Variants in DNAJB1 observed in about 807,000 individuals in gnomAD.
DNAJB1 encodes dnaJ homolog subfamily B member 1.
In DNAJB1, 14 loss-of-function variants were observed where a neutral mutation model predicts 24.0. That is an observed-to-expected ratio of 0.58 (90% confidence interval 0.39 to 0.91). The LOEUF (loss-of-function observed/expected upper bound fraction) is 0.91, where lower values mean the gene tolerates loss of function less well. DNAJB1 is among the 40% of genes least tolerant of loss of function. DNAJB1 has a pLI of 0.00. For synonymous variants in DNAJB1, 262 were observed against 174.4 expected (o/e 1.50, Z -3.96); for missense variants, 517 against 458.1 (o/e 1.13, Z -1.17).
chr19:14,526,657 A>G (rs1653703187), intron 2 of DNAJB1, among the ~76,000 whole-genome samples: 1 of 152,282 alleles, frequency 6.6e-6, no homozygotes, highest in African/African-American at 2.4e-5. Context: ...TCAAAAGGGA[A>G]TTTCCAAAAC....
upstream of DNAJB1, among the ~76,000 whole-genome samples, chr19:14,552,874 G>A (rs2073583880): frequency 6.6e-6 from 1 of 151,986 alleles, no homozygotes; most frequent in African/African-American, 2.4e-5. Context: ...GGCCTGGGTG[G>A]CAGTCTCAGC....
At chr19:14,519,802 G>C (rs941920681), upstream of DNAJB1, among the ~76,000 whole-genome samples, 1 of 152,148 alleles carries the variant, frequency 6.6e-6, no homozygotes, top group Non-Finnish European at 1.5e-5. Flanking sequence ...CACCTTTCAA[G>C]GCCTCTGTTT....
chr19:14,546,240 C>G (rs8107751), intron 1 of DNAJB1, among the ~76,000 whole-genome samples: 3 of 151,786 alleles, frequency 2.0e-5, no homozygotes, highest in Admixed American at 2.0e-4. Flanking sequence ...AGTTTTTGGG[C>G]ATCTAACTCA....
rs536346077 is a variant in DNAJB1 at position 14,525,505 on chromosome 19, C to CA, written c.-90+2220dup. On this transcript the variant is annotated intron_variant, in intron 2 of 3. Transcript: ENST00000396969. Reference sequence around the variant, plus strand: ...TATAAAAAGGAATGAGCTACGGATACAAAAAAACAACATTACAGATGAACC... The same window carrying CA: ...TATAAAAAGGAATGAGCTACGGATACAAAAAAAACAACATTACAGATGAACC... 9.5e-3 allele frequency among the ~76,000 whole-genome samples: 1,448 copies of CA among 151,932 alleles called. 43 individuals carry two copies. Among genetic ancestry groups the CA allele is most frequent in the Admixed American group, 0.068 (1,032 of 15,238 alleles).
upstream of DNAJB1, among the ~76,000 whole-genome samples, chr19:14,518,598 C>T (rs1302790536): frequency 2.0e-5 from 3 of 152,096 alleles, no homozygotes; most frequent in African/African-American, 7.2e-5. Context: ...CCGCTCCGCC[C>T]TCGGCAACAC....
At chr19:14,519,121 A>G (rs1249935150), upstream of DNAJB1, among the ~76,000 whole-genome samples, 1 of 152,176 alleles carries the variant, frequency 6.6e-6, no homozygotes, top group Non-Finnish European at 1.5e-5. Context: ...TAATCCCAGC[A>G]TTTTGGGAGG....
chr19:14,544,235 C>T (rs1158931701), intron 1 of DNAJB1, among the ~76,000 whole-genome samples: 4 of 151,866 alleles, frequency 2.6e-5, no homozygotes, highest in Non-Finnish European at 5.9e-5. Context: ...CACCTTGTCA[C>T]CTCATGTTTG....
At chr19:14,535,484 GC>G (rs2072830410) in intron 1 of DNAJB1, among the ~76,000 whole-genome samples, 3 of 111,378 alleles carry the variant, frequency 2.7e-5, no homozygotes, top group African/African-American at 1.1e-4. Flanking sequence ...TCCAGCCTGG[GC>G]GACAGAGCGA....
upstream of DNAJB1, among the ~76,000 whole-genome samples, chr19:14,554,548 G>A (rs940718297): frequency 6.6e-6 from 1 of 152,196 alleles, no homozygotes; most frequent in African/African-American, 2.4e-5. Context: ...TTGTGAAGCT[G>A]GGGAAGCCGA....
At chr19:14,541,353 C>G (rs1170604799) in intron 1 of DNAJB1, among the ~76,000 whole-genome samples, 1 of 152,206 alleles carries the variant, frequency 6.6e-6, no homozygotes, top group Non-Finnish European at 1.5e-5. Flanking sequence ...TCCCCATCAT[C>G]TCAACCCTCC....
intron 1 of DNAJB1, among the ~76,000 whole-genome samples, chr19:14,558,439 C>T (rs1351168021): frequency 6.6e-6 from 1 of 152,178 alleles, no homozygotes; most frequent in Non-Finnish European, 1.5e-5. Flanking sequence ...CACGCCGCAC[C>T]GTGTGTCCTG....
chr19:14,529,625 T>C (rs915028069), upstream of DNAJB1: 3 of 1,611,160 alleles, frequency 1.9e-6, no homozygotes, highest in Admixed American at 3.3e-5. Flanking sequence ...GCGAGCGCTG[T>C]AGGGAGCCTG....
rs370751165 is a variant in DNAJB1 at position 14,526,145 on chromosome 19, CT to C, written c.-90+1580del. 9.6e-4 allele frequency among the ~76,000 whole-genome samples: 146 copies of C among 152,334 alleles called. 4 individuals carry two copies. The South Asian group carries it at 0.029, about 30-fold the overall frequency. ...AACCTGAGGTCCAGAAAAGCTCATC[CT>C]TGGAAGCTGCCGCAGCTTAGGCCGT... On this transcript the variant is annotated intron_variant, in intron 2 of 3. Coordinates refer to the DNAJB1 transcript ENST00000396969.
intron 1 of DNAJB1, among the ~76,000 whole-genome samples, chr19:14,558,044 C>T (rs1004369825): frequency 6.6e-6 from 1 of 152,178 alleles, no homozygotes; most frequent in Non-Finnish European, 1.5e-5. Flanking sequence ...CGTGAGCCAC[C>T]ACGCCCGGCC....
At chr19:14,540,984 C>A (rs773290896) in intron 1 of DNAJB1, among the ~76,000 whole-genome samples, 1 of 151,902 alleles carries the variant, frequency 6.6e-6, no homozygotes, top group Non-Finnish European at 1.5e-5. Context: ...ACAGGCCACA[C>A]GCTGCTAATT....
At chr19:14,544,762 A>G (rs2073244544) in intron 1 of DNAJB1, among the ~76,000 whole-genome samples, 1 of 151,650 alleles carries the variant, frequency 6.6e-6, no homozygotes, top group Non-Finnish European at 1.5e-5. Context: ...CCTCCCAAGT[A>G]GCTGAGACCA....
At chr19:14,529,845 G>A, upstream of DNAJB1, 2 of 1,258,402 alleles carry the variant, frequency 1.6e-6, no homozygotes, top group South Asian at 2.5e-5. Flanking sequence ...CAGTGGGCAA[G>A]CGTTGCGCCC....
chr19:14,541,981 ACATGTTGGC>A (rs1361582758), intron 1 of DNAJB1, among the ~76,000 whole-genome samples: 5 of 151,950 alleles, frequency 3.3e-5, no homozygotes, highest in African/African-American at 1.2e-4. Flanking sequence ...ACCGGGTTTC[ACATGTTGGC>A]CAGGCTGGTT....
intron 1 of DNAJB1, among the ~76,000 whole-genome samples, chr19:14,537,421 A>C (rs2072941789): frequency 6.7e-6 from 1 of 149,322 alleles, no homozygotes; most frequent in South Asian, 2.1e-4. Context: ...GGGCCCAGCA[A>C]AGCCTTCTGG....
Sources: allele counts gnomAD v4.1 joint callset (sites outside exome capture counted in the v4.1 genomes callset), GRCh38; gene constraint gnomAD v4.1.1; transcripts MANE v1.5; gene names NCBI Gene and HGNC (gene_info 2026-07-23, HGNC 2026-07-21).